Variants in OPCML observed in about 807,000 individuals in gnomAD.
OPCML encodes opioid binding protein/cell adhesion molecule like, also known as opioid-binding protein/cell adhesion molecule.
A neutral mutation model predicts 37.8 loss-of-function variants in OPCML; 13 were observed. That is an observed-to-expected ratio of 0.34 (90% CI 0.22 to 0.55). The LOEUF (loss-of-function observed/expected upper bound fraction) is 0.55, where lower values mean the gene tolerates loss of function less well. Ranked by LOEUF, OPCML falls within the 20% of genes least tolerant of loss-of-function variation. The pLI is 0.91. For missense variants in OPCML, 341 were observed against 435.6 expected (o/e 0.78, Z 1.93); for synonymous variants, 176 against 168.8 (o/e 1.04, Z -0.33).
chr11:133,025,340 T>C, intron 1 of OPCML: 6 of 985,438 alleles, frequency 6.1e-6, no homozygotes, highest in Non-Finnish European at 6.0e-6. Flanking sequence ...ATGGCTGTTA[T>C]TAAGTTTTCG....
intron 1 of OPCML, among the ~76,000 whole-genome samples, chr11:133,505,151 G>A (rs533299021): frequency 5.3e-5 from 8 of 152,314 alleles, no homozygotes; most frequent in Non-Finnish European, 8.8e-5. Flanking sequence ...CCCTCTCTAG[G>A]AAAATAGGAA....
chr11:132,659,221 A>G (rs930933233), intron 2 of OPCML, among the ~76,000 whole-genome samples: 1 of 152,190 alleles, frequency 6.6e-6, no homozygotes, highest in African/African-American at 2.4e-5. Context: ...TCCCTTATGA[A>G]GACCTAATGG....
intron 1 of OPCML, among the ~76,000 whole-genome samples, chr11:133,016,610 A>G (rs2136890009): frequency 6.6e-6 from 1 of 152,322 alleles, no homozygotes; most frequent in Non-Finnish European, 1.5e-5. Context: ...ATATAATCAG[A>G]GTGATAGCTC....
intron 1 of OPCML, among the ~76,000 whole-genome samples, chr11:133,502,620 C>T (rs543102651): frequency 4.6e-5 from 7 of 152,334 alleles, no homozygotes; most frequent in Admixed American, 6.5e-5. Flanking sequence ...CAAGGCTCAA[C>T]TAAATGATCA....
intron 1 of OPCML, among the ~76,000 whole-genome samples, chr11:133,513,207 T>C (rs986973499): frequency 6.6e-6 from 1 of 152,186 alleles, no homozygotes; most frequent in Admixed American, 6.5e-5. Context: ...TTGACTCTAT[T>C]TATAACATGG....
At chr11:133,170,515 G>A (rs1485454056) in intron 1 of OPCML, among the ~76,000 whole-genome samples, 2 of 149,268 alleles carry the variant, frequency 1.3e-5, no homozygotes, top group Non-Finnish European at 3.0e-5. Context: ...GATATAGCAA[G>A]GCTTGAAATC....
intron 1 of OPCML, among the ~76,000 whole-genome samples, chr11:133,504,319 A>G (rs1565672349): frequency 6.6e-6 from 1 of 152,224 alleles, no homozygotes; most frequent in Non-Finnish European, 1.5e-5. Flanking sequence ...TTTGAAAAGA[A>G]GAAGAATTTG....
chr11:133,030,484 T>C (rs1016276568), intron 1 of OPCML, among the ~76,000 whole-genome samples: 2 of 152,192 alleles, frequency 1.3e-5, no homozygotes, highest in African/African-American at 4.8e-5. Flanking sequence ...TTTCCTAATC[T>C]GTACATAAGG....
At chr11:132,976,593 A>G (rs1946470490) in intron 1 of OPCML, among the ~76,000 whole-genome samples, 1 of 152,206 alleles carries the variant, frequency 6.6e-6, no homozygotes, top group Admixed American at 6.5e-5. Flanking sequence ...TGATGATTTT[A>G]TAATAGCTAA....
chr11:132,590,089 C>T (rs935836108), intron 3 of OPCML, among the ~76,000 whole-genome samples: 1 of 152,110 alleles, frequency 6.6e-6, no homozygotes, highest in Non-Finnish European at 1.5e-5. Flanking sequence ...CTTTGCCTCA[C>T]AAATCAGGAA....
intron 2 of OPCML, among the ~76,000 whole-genome samples, chr11:132,663,981 C>T (rs191212223): frequency 2.0e-5 from 3 of 152,166 alleles, no homozygotes; most frequent in East Asian, 3.9e-4. Context: ...TACAGGCGCC[C>T]GCCACCACGC....
chr11:133,056,750 G>T (rs375169129), intron 1 of OPCML, among the ~76,000 whole-genome samples: 11 of 152,314 alleles, frequency 7.2e-5, no homozygotes, highest in South Asian at 4.1e-4. Context: ...GTATGGTTCC[G>T]TAAGTGTAAA....
intron 1 of OPCML, among the ~76,000 whole-genome samples, chr11:133,429,773 C>T (rs1017520508): frequency 5.3e-5 from 8 of 151,914 alleles, no homozygotes; most frequent in African/African-American, 1.5e-4. Context: ...TCACAAAAAG[C>T]GGCCTTGGAA....
intron 1 of OPCML, chr11:133,422,697 T>C: frequency 2.0e-6 from 2 of 984,472 alleles, no homozygotes; most frequent in Non-Finnish European, 2.4e-6. Flanking sequence ...TGAGGAAATA[T>C]ATGCAAACAC....
At chr11:133,326,654 G>A (rs1455880785) in intron 1 of OPCML, among the ~76,000 whole-genome samples, 1 of 126,118 alleles carries the variant, frequency 7.9e-6, no homozygotes, top group Non-Finnish European at 1.7e-5. Context: ...GGGGAGTGTG[G>A]GTGTATGTGT....
intron 2 of OPCML, among the ~76,000 whole-genome samples, chr11:132,663,975 G>A (rs1035966221): frequency 8.5e-5 from 13 of 152,148 alleles, no homozygotes; most frequent in African/African-American, 3.1e-4. Context: ...TGGGATTACA[G>A]GCGCCCGCCA....
At chr11:133,352,844 C>T (rs990167546) in intron 1 of OPCML, among the ~76,000 whole-genome samples, 1 of 152,148 alleles carries the variant, frequency 6.6e-6, no homozygotes, top group African/African-American at 2.4e-5. Context: ...TTGGAATCAG[C>T]AGGAATAGGT....
At chr11:133,331,104 ACT>A (rs1943609777) in intron 1 of OPCML, among the ~76,000 whole-genome samples, 1 of 152,204 alleles carries the variant, frequency 6.6e-6, no homozygotes, top group African/African-American at 2.4e-5. Flanking sequence ...GGATTTGGTC[ACT>A]CATGAGCCTT....
At position 133,177,399 on chromosome 11, in the gene OPCML, T is replaced by C. The variant is rs1308152568; in HGVS notation, c.62-234389A>G. Among the ~76,000 whole-genome samples the C allele has an allele frequency of 2.0e-5, 3 of 152,214 alleles. No homozygotes were observed. Among genetic ancestry groups the C allele is most frequent in the African/African-American group, 4.8e-5 (2 of 41,462 alleles). On this transcript the variant is annotated intron_variant, in intron 1 of 7. Coordinates refer to ENST00000524381, the MANE Select transcript of OPCML (RefSeq NM_001012393.5). The surrounding 1 kb of genome is among the most constrained non-coding windows in gnomAD (Gnocchi z 5.0). Reference sequence around the variant, plus strand: ...GAGGAAATCAGTAATCTTGAACCACTAATGCTAATTTATGATTTTGGACAG... The same window carrying C: ...GAGGAAATCAGTAATCTTGAACCACCAATGCTAATTTATGATTTTGGACAG...
Sources: allele counts gnomAD v4.1 joint callset (sites outside exome capture counted in the v4.1 genomes callset), GRCh38; gene constraint gnomAD v4.1.1; non-coding constraint Gnocchi (gnomAD v3.1); transcripts MANE v1.5; gene names NCBI Gene and HGNC (gene_info 2026-07-23, HGNC 2026-07-21).